The following PTGDS variants were observed in gnomAD, a reference collection of about 807,000 sequenced individuals.
PTGDS encodes the protein prostaglandin-H2 D-isomerase.
A neutral mutation model predicts 28.4 loss-of-function variants in PTGDS; 21 were observed. The observed-to-expected ratio is 0.74, with a 90% CI of 0.52 to 1.07. The LOEUF is 1.07. Among genes scored for constraint, PTGDS ranks in the 50% least tolerant of loss-of-function variants. PTGDS has a pLI of 0.00. For missense variants in PTGDS, 243 were observed against 247.7 expected (o/e 0.98, Z 0.13); for synonymous variants, 102 against 106.0 (o/e 0.96, Z 0.23).
intron 4 of PTGDS, 33 bp from the exon 5 acceptor site, chr9:136,980,150 G>A (rs745688535): frequency 1.2e-5 from 19 of 1,611,200 alleles, no homozygotes; most frequent in South Asian, 3.3e-5. Context: ...CATCCCCCCC[G>A]CTGAGGCCAG....
chr9:136,979,995 G>C lies in PTGDS; in HGVS notation c.381G>C (p.Gln127His), dbSNP rs1830428884. The change falls in exon 4 of 7, where the codon CAG becomes CAC. Residue 127 changes from glutamine (Q) to histidine (H), a missense_variant. Transcript: ENST00000371625. ...SVSVVETDYD[Q>H]YALLYSQGSK... is the part of the protein sequence containing the mutation. ...CAGTGGTGGAGACCGACTACGACCA[G>C]TACGCGCTGCTGTACAGCCAGGGCA... The C allele has an allele frequency of 6.2e-7, 1 of 1,613,074 alleles. No individual in the cohort carries two copies. The highest frequency in any genetic ancestry group is 1.3e-5 in the African/African-American group (1 of 74,914).
chr9:136,980,614 C>T, intron 5 of PTGDS: 1 of 1,497,400 alleles, frequency 6.7e-7, no homozygotes, highest in Non-Finnish European at 9.0e-7. Context: ...GGCTCAGGCA[C>T]AGCCTCCTAG....
chr9:136,977,810 G>C, intron 1 of PTGDS, 118 bp downstream of exon 1: 2 of 991,376 alleles, frequency 2.0e-6, no homozygotes, highest in Non-Finnish European at 2.9e-6. Context: ...GCCGGGCAGT[G>C]CCGGCCAGGG....
intron 1 of PTGDS, chr9:136,978,675 C>A (rs1020034629): frequency 4.4e-6 from 1 of 227,044 alleles, no homozygotes; most frequent in Non-Finnish European, 7.9e-6. Context: ...GCTCTTGGGG[C>A]GGGGTCGTGA....
chr9:136,979,116 AC>A lies in PTGDS; in HGVS notation c.240del (p.Ser81ProfsTer79), dbSNP rs780668780. 1 of 1,612,364 alleles carries A rather than the reference AC, an allele frequency of 6.2e-7. No individual in the cohort carries two copies. Among genetic ancestry groups the A allele is most frequent in the South Asian group, 1.1e-5 (1 of 91,058 alleles). On this transcript the variant is annotated frameshift_variant, in exon 2 of 7. Transcript: ENST00000371625. LOFTEE classifies it high-confidence loss of function. ...TGCCACGGATGGTGGCCTCAACCTGACCTCCACCTTCCTCAGGTGGGACAGC... is the reference window on the plus strand; with the variant it reads ...TGCCACGGATGGTGGCCTCAACCTGACTCCACCTTCCTCAGGTGGGACAGC... Reference protein sequence around the residue: ...APATDGGLNLTSTFLRKNQCE... With the variant: ...APATDGGLNLXSTFLRKNQCE...
Position 136,979,935 on chromosome 9 carries a change from T to G in PTGDS, c.332-11T>G. The G allele has an allele frequency of 6.2e-7, 1 of 1,611,928 alleles. No homozygotes were observed. Among genetic ancestry groups the G allele is most frequent in the Non-Finnish European group, 8.5e-7 (1 of 1,178,760 alleles). On this transcript the variant is annotated splice_polypyrimidine_tract_variant and intron_variant, in intron 3 of 6. Coordinates refer to ENST00000371625, the MANE Select transcript of PTGDS (RefSeq NM_000954.6). Reference sequence around the variant, plus strand: ...CTGAGTCCCCGACAGGGTTGTCTCTTGGGTTCCCAGACTGGGGCAGCACCT... The same window carrying G: ...CTGAGTCCCCGACAGGGTTGTCTCTGGGGTTCCCAGACTGGGGCAGCACCT...
Position 136,977,511 on chromosome 9 carries a change from C to A in PTGDS, c.-68C>A. On this transcript the variant is annotated 5_prime_UTR_variant, in exon 1 of 7. In the 5' UTR this introduces an upstream ATG that the reference lacks. Transcript: ENST00000371625. ...GTCTCCTCAGTGCCCTCCGCTCCTC[C>A]TGCACACCTCCCTCGCTCTCCCACA... is the stretch of plus-strand genomic sequence containing the variant. The A allele has an allele frequency of 8.0e-7, 1 of 1,243,534 alleles. No homozygotes were observed. Among genetic ancestry groups the A allele is most frequent in the Non-Finnish European group, 1.1e-6 (1 of 893,146 alleles). 77.0% of individuals were successfully genotyped at this position (1,243,534 alleles called of 1,614,324 possible). A position where few individuals can be genotyped will look rare whatever the true frequency, so the allele number is the denominator to read the frequency against.
At chr9:136,979,731 T>C in intron 3 of PTGDS, 1 of 629,690 alleles carries the variant, frequency 1.6e-6, no homozygotes, top group African/African-American at 1.8e-5. Context: ...CCTGGTTTTC[T>C]GAGCCTGGCT....
chr9:136,979,846 G>A, intron 3 of PTGDS, 100 bp from the exon 4 acceptor site: 4 of 1,151,646 alleles, frequency 3.5e-6, no homozygotes, highest in Non-Finnish European at 5.2e-6. Context: ...CCAGCCGAGG[G>A]GCTGAGTGCC....
intron 4 of PTGDS, 57 bp from the exon 5 acceptor site, chr9:136,980,126 G>A: frequency 6.2e-7 from 1 of 1,608,584 alleles, no homozygotes; most frequent in East Asian, 2.2e-5. Flanking sequence ...CAAGACCCAG[G>A]GCAGGGCACA....
chr9:136,979,013 C>G lies in PTGDS; in HGVS notation c.135C>G (p.Ser45Arg). 1.2e-6 allele frequency: 2 copies of G among 1,608,448 alleles called. No individual in the cohort carries two copies. ...CGCAGTTCCTGGGGCGCTGGTTCAG[C>G]GCGGGCCTCGCCTCCAACTCGAGCT... ...QQDKFLGRWF[S>R]AGLASNSSWL... Residue 45 changes from serine to arginine, a missense_variant, in exon 2 of 7, where the codon AGC (serine) becomes AGG (arginine). By Grantham distance (110) the Ser-to-Arg change is moderately radical. Transcript: ENST00000371625.
chr9:136,979,194 C>G (rs1588486994), intron 2 of PTGDS, 29 bp from the exon 3 acceptor site: 2 of 1,613,142 alleles, frequency 1.2e-6, no homozygotes, highest in Non-Finnish European at 1.7e-6. Context: ...TCGGGCCTAA[C>G]CCCTGACCCT....
Position 136,979,316 on chromosome 9 carries a change from C to T in PTGDS, c.331+17C>T, listed in dbSNP as rs750421541. On this transcript the variant is annotated intron_variant, in intron 3 of 6. Transcript: ENST00000371625. ...GGAGTCCCCGTGAGTGGGGCCTCCA[C>T]CGGCCCCCTGGGCCCAGCCTGGGGG... 6 of 1,603,730 alleles carry T rather than the reference C, an allele frequency of 3.7e-6. No individual in the cohort carries two copies. Among genetic ancestry groups the T allele is most frequent in the Non-Finnish European group, 5.1e-6 (6 of 1,175,656 alleles).
At position 136,980,866 on chromosome 9, in the gene PTGDS, CCATTCATTCATTCATT is replaced by C. The variant is rs146717258; in HGVS notation, c.*34_*49del. ...ATGACGGAACAATAGGTGAGCCACT[CCATTCATTCATTCATT>C]CATTCATTCATTCATTCATTCAACA... On this transcript the variant is annotated intron_variant, in intron 6 of 6. Coordinates refer to ENST00000371625, the MANE Select transcript of PTGDS (RefSeq NM_000954.6). 3.8e-6 allele frequency: 5 copies of C among 1,319,586 alleles called. No individual in the cohort carries two copies. Among genetic ancestry groups the C allele is most frequent in the East Asian group, 2.6e-5 (1 of 38,000 alleles). 81.7% of individuals were successfully genotyped at this position (1,319,586 alleles called of 1,614,324 possible).
chr9:136,978,489 T>C (rs1280159828), intron 1 of PTGDS, among the ~76,000 whole-genome samples: 2 of 63,992 alleles, frequency 3.1e-5, no homozygotes, highest in Non-Finnish European at 6.2e-5. Flanking sequence ...TGGGGCGTGG[T>C]CATCTCCTGG....
At chr9:136,979,878 C>T in intron 3 of PTGDS, 68 bp from the exon 4 acceptor site, 1 of 1,432,158 alleles carries the variant, frequency 7.0e-7, no homozygotes, top group Non-Finnish European at 9.8e-7. Flanking sequence ...CAGGTGCACC[C>T]CTTCCCTGAA....
Position 136,980,001 on chromosome 9 carries a change from G to A in PTGDS, c.387G>A (p.Ala129=), listed in dbSNP as rs747612402. ...SVVETDYDQY[A]LLYSQGSKGP... is the part of the protein sequence containing the mutation. ...TGGAGACCGACTACGACCAGTACGCGCTGCTGTACAGCCAGGGCAGCAAGG... is the reference window on the plus strand; with the variant it reads ...TGGAGACCGACTACGACCAGTACGCACTGCTGTACAGCCAGGGCAGCAAGG... The change falls in exon 4 of 7, where the codon GCG becomes GCA. Residue 129 remains alanine, a synonymous_variant. Coordinates refer to ENST00000371625, the MANE Select transcript of PTGDS (RefSeq NM_000954.6). The A allele has an allele frequency of 3.7e-6, 6 of 1,612,996 alleles. No individual in the cohort carries two copies. In the African/African-American group the frequency reaches 4.0e-5, roughly 11 times the overall value.
At chr9:136,979,413 C>T in intron 3 of PTGDS, 114 bp downstream of exon 3, 2 of 1,564,938 alleles carry the variant, frequency 1.3e-6, no homozygotes, top group Non-Finnish European at 1.7e-6. Context: ...TGATGGCTGC[C>T]CCACCAGCGT....
At chr9:136,980,629 G>C in intron 5 of PTGDS, 1 of 1,529,616 alleles carries the variant, frequency 6.5e-7, no homozygotes, top group South Asian at 1.2e-5. Context: ...TCCTAGGGGT[G>C]GACAGCCTGC....
Sources: allele counts gnomAD v4.1 joint callset (sites outside exome capture counted in the v4.1 genomes callset), GRCh38; gene constraint gnomAD v4.1.1; transcripts MANE v1.5; gene names NCBI Gene and HGNC (gene_info 2026-07-23, HGNC 2026-07-21).